The following NRXN3 variants were observed in gnomAD, a reference collection of about 807,000 sequenced individuals.
NRXN3 encodes neurexin 3.
A neutral mutation model predicts 137.6 loss-of-function variants in NRXN3; 32 were observed. That is an observed-to-expected ratio of 0.23 (90% CI 0.18 to 0.31). NRXN3 has a LOEUF of 0.31. NRXN3 is among the 10% of genes least tolerant of loss of function. NRXN3 has a pLI of 1.00. For synonymous variants in NRXN3, 798 were observed against 784.5 expected (o/e 1.02, Z -0.29); for missense variants, 1,574 against 2,062.5 (o/e 0.76, Z 4.59).
intron 16 of NRXN3, among the ~76,000 whole-genome samples, chr14:79,491,318 C>T (rs2096714841): frequency 6.6e-6 from 1 of 152,124 alleles, no homozygotes; most frequent in South Asian, 2.1e-4. Flanking sequence ...CAGTGAATTA[C>T]TCAGCCTCCA....
At chr14:79,430,057 G>C (rs1172220947) in intron 15 of NRXN3, among the ~76,000 whole-genome samples, 1 of 151,860 alleles carries the variant, frequency 6.6e-6, no homozygotes, top group Non-Finnish European at 1.5e-5. Context: ...CATTCAACTG[G>C]ATTTAATAGG....
intron 20 of NRXN3, among the ~76,000 whole-genome samples, chr14:79,815,254 T>C (rs1354065824): frequency 6.6e-6 from 1 of 152,224 alleles, no homozygotes; most frequent in Non-Finnish European, 1.5e-5. Context: ...AATGACACTT[T>C]GTAACAACTT....
chr14:78,557,227 T>A (rs2096747508), intron 4 of NRXN3, among the ~76,000 whole-genome samples: 1 of 150,224 alleles, frequency 6.7e-6, no homozygotes, highest in South Asian at 2.1e-4. Context: ...TTTCTATTTT[T>A]TTTTTTTTGT....
At chr14:79,579,877 A>C (rs1355969666) in intron 16 of NRXN3, among the ~76,000 whole-genome samples, 1 of 152,172 alleles carries the variant, frequency 6.6e-6, no homozygotes, top group Non-Finnish European at 1.5e-5. Flanking sequence ...CAAACATTAG[A>C]ACTTAAACCT....
chr14:79,799,131 C>T (rs1051601373), intron 19 of NRXN3, among the ~76,000 whole-genome samples: 2 of 152,090 alleles, frequency 1.3e-5, no homozygotes, highest in Non-Finnish European at 2.9e-5. Context: ...ACATAGGGCT[C>T]CTGCCAGACA....
intron 16 of NRXN3, among the ~76,000 whole-genome samples, chr14:79,571,412 A>T (rs2097600059): frequency 6.6e-6 from 1 of 152,222 alleles, no homozygotes; most frequent in South Asian, 2.1e-4. Flanking sequence ...GTATAGCAAG[A>T]CAAGGTAAAG....
intron 16 of NRXN3, among the ~76,000 whole-genome samples, chr14:79,515,546 C>G (rs1349491354): frequency 1.4e-5 from 2 of 143,982 alleles, no homozygotes; most frequent in African/African-American, 5.9e-5. Context: ...GTGATCATCA[C>G]AGTCCCCAGT....
intron 15 of NRXN3, among the ~76,000 whole-genome samples, chr14:79,465,181 C>A (rs998189387): frequency 6.6e-6 from 1 of 152,150 alleles, no homozygotes; most frequent in Non-Finnish European, 1.5e-5. Flanking sequence ...TTGTAACCAT[C>A]TACAGAGGAA....
chr14:78,714,654 C>G (rs2098423544), intron 7 of NRXN3, 102 bp from the exon 8 acceptor site: 4 of 1,313,198 alleles, frequency 3.0e-6, no homozygotes, highest in Non-Finnish European at 4.3e-6. Context: ...ACATTGTTCT[C>G]TCCTGGCCAG....
At chr14:79,279,766 G>A (rs573011459) in intron 15 of NRXN3, 1 of 988,246 alleles carries the variant, frequency 1.0e-6, no homozygotes. Flanking sequence ...GCCCCCTTTT[G>A]CCTGGCAGTT....
intron 15 of NRXN3, among the ~76,000 whole-genome samples, chr14:79,255,700 C>T (rs1010646559): frequency 3.3e-5 from 5 of 152,190 alleles, no homozygotes; most frequent in Admixed American, 2.0e-4. Flanking sequence ...TGCTACATAG[C>T]GAGGATTATG....
At chr14:78,354,478 T>G (rs1441864290) in intron 4 of NRXN3, among the ~76,000 whole-genome samples, 2 of 152,196 alleles carry the variant, frequency 1.3e-5, no homozygotes, top group Non-Finnish European at 2.9e-5. Context: ...CTTTGAGAGA[T>G]GAGATGCCAA....
rs2098433000 is a variant in NRXN3, at chr14:78,716,228, A to G, written c.2044+1089A>G. On this transcript the variant is annotated intron_variant, in intron 8 of 20. Coordinates refer to ENST00000335750, the MANE Select transcript of NRXN3 (RefSeq NM_001330195.2). ...AGGCAAGAAGAGGGACAACATCAAC[A>G]CAAGGAGATTCCAGTCAAGCTATTT... 3.3e-5 allele frequency among the ~76,000 whole-genome samples: 5 copies of G among 152,336 alleles called. No individual in the cohort carries two copies. In the South Asian group the frequency reaches 8.3e-4, roughly 25 times the overall value.
At chr14:79,370,187 C>G (rs1430319138) in intron 15 of NRXN3, among the ~76,000 whole-genome samples, 1 of 152,152 alleles carries the variant, frequency 6.6e-6, no homozygotes, top group African/African-American at 2.4e-5. Context: ...GAGCCAGACA[C>G]TGTGTAAGCA....
intron 15 of NRXN3, among the ~76,000 whole-genome samples, chr14:79,068,405 G>A (rs876666): frequency 0.062 from 9,382 of 152,082 alleles, 883 homozygotes; most frequent in African/African-American, 0.2. Context: ...ATTTTATAAT[G>A]ATCACATGCT....
chr14:79,858,633 A>G (rs1284103015), intron 20 of NRXN3, among the ~76,000 whole-genome samples: 1 of 152,092 alleles, frequency 6.6e-6, no homozygotes, highest in African/African-American at 2.4e-5. Context: ...TGTGTTACAG[A>G]TAAGTTAAAA....
chr14:78,669,131 T>G (rs1248911899), intron 6 of NRXN3, among the ~76,000 whole-genome samples: 1 of 152,066 alleles, frequency 6.6e-6, no homozygotes. Context: ...AAAAAAAATT[T>G]TAAGAGTGAG....
chr14:78,682,274 G>T (rs2098084185), intron 6 of NRXN3, among the ~76,000 whole-genome samples: 1 of 152,002 alleles, frequency 6.6e-6, no homozygotes, highest in Non-Finnish European at 1.5e-5. Flanking sequence ...CCTATTGTCT[G>T]TCCATTCACT....
chr14:78,414,720 C>T (rs2093031747), intron 4 of NRXN3, among the ~76,000 whole-genome samples: 2 of 152,054 alleles, frequency 1.3e-5, no homozygotes, highest in African/African-American at 4.8e-5. Flanking sequence ...TGTCCAAGGG[C>T]ACACCATTAA....
Sources: allele counts gnomAD v4.1 joint callset (sites outside exome capture counted in the v4.1 genomes callset), GRCh38; gene constraint gnomAD v4.1.1; transcripts MANE v1.5; gene names NCBI Gene and HGNC (gene_info 2026-07-23, HGNC 2026-07-21).